The following ZHX3 variants were observed in gnomAD, a reference collection of about 807,000 sequenced individuals.
ZHX3 encodes zinc fingers and homeoboxes 3, also known as zinc fingers and homeoboxes protein 3.
Under a neutral mutation model 64.5 loss-of-function variants are expected in ZHX3, and 20 were observed. The observed-to-expected ratio is 0.31, with a 90% CI of 0.22 to 0.45. ZHX3 has a LOEUF of 0.45. ZHX3 is among the 20% of genes least tolerant of loss of function. The pLI is 1.00. For missense variants in ZHX3, 1,041 were observed against 1,195.8 expected, an observed-to-expected ratio of 0.87 and a Z score of 1.91; for synonymous variants, 423 against 461.6, an observed-to-expected ratio of 0.92 and a Z score of 1.07.
intron 1 of ZHX3, among the ~76,000 whole-genome samples, chr20:41,284,362 C>G (rs867907337): frequency 6.6e-6 from 1 of 152,154 alleles, no homozygotes; most frequent in Admixed American, 6.5e-5. Flanking sequence ...TCTCTCACCA[C>G]AGAGCAAGCT....
chr20:41,241,395 A>G (rs1026868953), intron 2 of ZHX3, among the ~76,000 whole-genome samples: 9 of 152,136 alleles, frequency 5.9e-5, no homozygotes, highest in African/African-American at 1.9e-4. Flanking sequence ...CTCTTTATAT[A>G]TTCTGATTAT....
rs892396348 is a variant in ZHX3, at chr20:41,195,989, C to T, written c.2860+6068G>A. On this transcript the variant is annotated intron_variant, in intron 3 of 3. Transcript: ENST00000683867. The surrounding 1 kb of genome is among the most constrained non-coding windows in gnomAD (Gnocchi z 4.2). ...CTCAGTTTTTAAAAATGTATTAACA[C>T]TTGTTTCATGGCTTAACATACGGTT... Among the ~76,000 whole-genome samples, 3 of 151,874 alleles carry T rather than the reference C, an allele frequency of 2.0e-5. No individual in the cohort carries two copies. Among genetic ancestry groups the T allele is most frequent in the Admixed American group, 6.6e-5 (1 of 15,230 alleles).
intron 1 of ZHX3, among the ~76,000 whole-genome samples, chr20:41,287,095 G>A (rs2043974195): frequency 6.6e-6 from 1 of 152,146 alleles, no homozygotes; most frequent in Admixed American, 6.5e-5. Context: ...TGAACTCTGT[G>A]CTATTCCTCA....
Position 41,195,511 on chromosome 20 carries a change from G to A in ZHX3, c.2860+6546C>T, listed in dbSNP as rs963539444. Among the ~76,000 whole-genome samples the A allele has an allele frequency of 6.6e-6, 1 of 152,162 alleles. No homozygotes were observed. Among genetic ancestry groups the A allele is most frequent in the Non-Finnish European group, 1.5e-5 (1 of 68,028 alleles). On this transcript the variant is annotated intron_variant, in intron 3 of 3. Transcript: ENST00000683867. This position sits in a 1 kb window ranked among gnomAD's most constrained non-coding sequence, Gnocchi z 4.2. ...GTTCACTGCAACCTCTGCCTCCTGG[G>A]TTCAAATTATTCTCCTGCCTCAGCC... is the stretch of plus-strand genomic sequence containing the variant.
Position 41,204,136 on chromosome 20 carries a change from C to G in ZHX3, c.781G>C (p.Val261Leu). The change falls in exon 3 of 4, where the codon GTG (valine) becomes CTG (leucine). Residue 261 changes from valine to leucine, a missense_variant. Transcript: ENST00000683867. The surrounding 1 kb of genome is among the most constrained non-coding windows in gnomAD (Gnocchi z 6.6). ...GCTATGCCAGCTGGCAAAACTGGCA[C>G]TGTTCCTATCAGGGGCCCGTTGGCG... ...HAANGPLIGT[V>L]PVLPAGIAQF... The G allele has an allele frequency of 6.2e-7, 1 of 1,606,206 alleles. No homozygotes were observed. Among genetic ancestry groups the G allele is most frequent in the Non-Finnish European group, 8.5e-7 (1 of 1,176,130 alleles).
intron 1 of ZHX3, among the ~76,000 whole-genome samples, chr20:41,310,488 A>G (rs2045098943): frequency 6.6e-6 from 1 of 152,206 alleles, no homozygotes; most frequent in Non-Finnish European, 1.5e-5. Context: ...GCGAGCTGTC[A>G]AGCCCATTAT....
rs555883542 is a variant in ZHX3 at position 41,302,053 on chromosome 20, CAAAAAAA to C, written c.-245+15449_-245+15455del. On this transcript the variant is annotated intron_variant, in intron 1 of 3. Coordinates refer to ENST00000683867, the MANE Select transcript of ZHX3 (RefSeq NM_001384317.1). Reference sequence around the variant, plus strand: ...TGGGCGACGGAGCGAGACTCCATCTCAAAAAAAAAAAAAAAAAAAAAAAAAAAAAGGA... The same window carrying C: ...TGGGCGACGGAGCGAGACTCCATCTCAAAAAAAAAAAAAAAAAAAAAAGGA... Among the ~76,000 whole-genome samples the C allele has an allele frequency of 1.9e-4, 12 of 62,368 alleles. No homozygotes were observed. The East Asian group carries it at 3.4e-3, about 18-fold the overall frequency. 40.9% of individuals were successfully genotyped at this position (62,368 alleles called of 152,430 possible). A position where few individuals can be genotyped will look rare whatever the true frequency, so the allele number is the denominator to read the frequency against.
Position 41,203,798 on chromosome 20 carries a change from T to C in ZHX3, c.1119A>G (p.Lys373=). The C allele has an allele frequency of 6.2e-7, 1 of 1,614,256 alleles. No individual in the cohort carries two copies. The highest frequency in any genetic ancestry group is 8.5e-7 in the Non-Finnish European group (1 of 1,180,050). ...WSPEEIEDAR[K]KMFNTVIQSV... ...ACTGGATGACTGTATTGAACATCTT[T>C]TTCCGGGCATCCTCAATCTCCTCAG... The change falls in exon 3 of 4, where the codon AAA becomes AAG. Residue 373 remains lysine (K), a synonymous_variant. Transcript: ENST00000683867. The surrounding 1 kb of genome is among the most constrained non-coding windows in gnomAD (Gnocchi z 7.1).
At chr20:41,233,981 C>A (rs1305371927) in intron 2 of ZHX3, among the ~76,000 whole-genome samples, 4 of 152,190 alleles carry the variant, frequency 2.6e-5, no homozygotes, top group African/African-American at 9.7e-5. Flanking sequence ...ATAGCACAGA[C>A]CTAAATGGCA....
intron 2 of ZHX3, among the ~76,000 whole-genome samples, chr20:41,216,048 CAAAG>C (rs1442867529): frequency 6.6e-6 from 1 of 150,966 alleles, no homozygotes; most frequent in Non-Finnish European, 1.5e-5. Context: ...ATCAAGTGGA[CAAAG>C]AAAAAAGATG....
chr20:41,279,595 C>T (rs2043569143), intron 1 of ZHX3, among the ~76,000 whole-genome samples: 1 of 151,854 alleles, frequency 6.6e-6, no homozygotes, highest in Admixed American at 6.6e-5. Context: ...GTACTTCTCC[C>T]CTCTCTTAAA....
At chr20:41,283,770 T>C (rs944358001) in intron 1 of ZHX3, among the ~76,000 whole-genome samples, 4 of 147,242 alleles carry the variant, frequency 2.7e-5, no homozygotes, top group Admixed American at 2.0e-4. Flanking sequence ...AAAAAAAAAA[T>C]CACTTTTATC....
intron 2 of ZHX3, among the ~76,000 whole-genome samples, chr20:41,233,356 C>T (rs2040755201): frequency 6.6e-6 from 1 of 152,200 alleles, no homozygotes; most frequent in Admixed American, 6.5e-5. Flanking sequence ...CTTTTTACAT[C>T]CTCCTAGGCT....
rs778405045 is a variant in ZHX3 at position 41,203,235 on chromosome 20, C to G, written c.1682G>C (p.Gly561Ala). The change falls in exon 3 of 4, where the codon GGA becomes GCA. Residue 561 changes from glycine (G) to alanine (A), a missense_variant. By Grantham distance (60) the Gly-to-Ala change is moderately conservative (BLOSUM62 0). Transcript: ENST00000683867. This position sits in a 1 kb window ranked among gnomAD's most constrained non-coding sequence, Gnocchi z 7.1. ...GTCAATGATGATGGAACTGTGATCTCCAGGTATCATCGCTCTGGAGCCCTT... is the reference window on the plus strand; with the variant it reads ...GTCAATGATGATGGAACTGTGATCTGCAGGTATCATCGCTCTGGAGCCCTT... ...NLKGSRAMIP[G>A]DHSSIIIDSV... The G allele has an allele frequency of 1.2e-6, 2 of 1,614,000 alleles. No individual in the cohort carries two copies. The highest frequency in any genetic ancestry group is 2.7e-5 in the African/African-American group (2 of 74,886).
intron 2 of ZHX3, among the ~76,000 whole-genome samples, chr20:41,255,978 G>A (rs73907118): frequency 0.021 from 3,269 of 152,254 alleles, 112 homozygotes; most frequent in African/African-American, 0.074. Context: ...TAGGACAGGG[G>A]CAGGTTTTGT....
At chr20:41,272,030 T>C (rs2043172065) in intron 1 of ZHX3, 1 of 152,178 alleles carries the variant, frequency 6.6e-6, no homozygotes. Flanking sequence ...CATCTCCAAA[T>C]AGTTATTTTA....
At chr20:41,280,606 G>A (rs189848244) in intron 1 of ZHX3, among the ~76,000 whole-genome samples, 5 of 151,970 alleles carry the variant, frequency 3.3e-5, no homozygotes, top group Non-Finnish European at 5.9e-5. Flanking sequence ...TAGTAGAGAC[G>A]GGGTTTCACC....
rs1378506817 is a variant in ZHX3, at chr20:41,185,016, G to A, written c.*175C>T. 6.4e-7 allele frequency: 1 copy of A among 1,551,192 alleles called. No individual in the cohort carries two copies. Among genetic ancestry groups the A allele is most frequent in the African/African-American group, 1.4e-5 (1 of 73,022 alleles). ...TTGCTTGCTGCTTGCTTGGTGGTGG[G>A]CAGGCCGAGGGTAGCGGCAGGCTCT... is the stretch of plus-strand genomic sequence containing the variant. On this transcript the variant is annotated 3_prime_UTR_variant, in exon 4 of 4. Coordinates refer to ENST00000683867, the MANE Select transcript of ZHX3 (RefSeq NM_001384317.1). This position sits in a 1 kb window ranked among gnomAD's most constrained non-coding sequence, Gnocchi z 5.0.
At chr20:41,208,904 C>T (rs1015593086) in intron 2 of ZHX3, among the ~76,000 whole-genome samples, 2 of 152,144 alleles carry the variant, frequency 1.3e-5, no homozygotes, top group African/African-American at 4.8e-5. Context: ...TCAAATTGTC[C>T]CTGTTTGCAG....
Sources: gnomAD v4.1 joint callset for allele counts (sites outside exome capture counted in the v4.1 genomes callset) on GRCh38, gnomAD v4.1.1 for gene constraint, Gnocchi (gnomAD v3.1) non-coding constraint, MANE v1.5 for transcripts, NCBI Gene and HGNC (gene_info 2026-07-23, HGNC 2026-07-21) for gene names.